The following CACNA1A variants were observed in gnomAD, a reference collection of about 807,000 sequenced individuals.
CACNA1A encodes the protein calcium voltage-gated channel subunit alpha1 A, also known as voltage-dependent P/Q-type calcium channel subunit alpha-1A.
In CACNA1A, 57 loss-of-function variants were observed where a neutral mutation model predicts 262.4. The ratio of observed to expected loss-of-function variants is 0.22; its 90% CI spans 0.18 to 0.27. The LOEUF (loss-of-function observed/expected upper bound fraction) is 0.27, where lower values mean the gene tolerates loss of function less well. CACNA1A is among the 10% of genes least tolerant of loss of function. The probability of loss-of-function intolerance (pLI) is 1.00; values close to 1 mark genes in which losing one functional copy is unlikely to be tolerated. For missense variants in CACNA1A, 2,526 were observed against 3,562.8 expected (o/e 0.71, Z 7.41); for synonymous variants, 1,431 against 1,419.3 (o/e 1.01, Z -0.18).
At chr19:13,412,658 G>A (rs1303222781) in intron 3 of CACNA1A, among the ~76,000 whole-genome samples, 1 of 151,724 alleles carries the variant, frequency 6.6e-6, no homozygotes, top group African/African-American at 2.4e-5. Context: ...CGTATTTTCA[G>A]TAGAGACGGG....
chr19:13,275,815 A>C, intron 24 of CACNA1A, 35 bp downstream of exon 24: 2 of 1,425,794 alleles, frequency 1.4e-6, no homozygotes, highest in Non-Finnish European at 2.0e-6. Context: ...GGTTGGGGGA[A>C]AAGAGGCAAG....
intron 6 of CACNA1A, among the ~76,000 whole-genome samples, chr19:13,340,389 C>T (rs1240738744): frequency 6.6e-6 from 1 of 151,454 alleles, no homozygotes; most frequent in Non-Finnish European, 1.5e-5. Flanking sequence ...TATCCCCATC[C>T]TCCCGGGTGA....
chr19:13,505,375 T>A lies in CACNA1A; in HGVS notation c.293+557A>T, dbSNP rs542623849. ...CAGTGTGAAGGCCACATGGACTCCC[T>A]CTTGCTCTTAGCCCTGGGAGCCCCC... On this transcript the variant is annotated intron_variant, in intron 1 of 46. Coordinates refer to ENST00000360228, the MANE Select transcript of CACNA1A (RefSeq NM_001127222.2). Among the ~76,000 whole-genome samples, 6 of 152,250 alleles carry A rather than the reference T, an allele frequency of 3.9e-5. No homozygotes were observed. The East Asian group carries it at 1.2e-3, about 29-fold the overall frequency.
chr19:13,358,392 C>G (rs1020010960), intron 6 of CACNA1A, among the ~76,000 whole-genome samples: 2 of 152,142 alleles, frequency 1.3e-5, no homozygotes, highest in African/African-American at 4.8e-5. Flanking sequence ...ACGGAAGAAC[C>G]CTGTCTCTAC....
chr19:13,420,067 C>T (rs561166339), intron 3 of CACNA1A, among the ~76,000 whole-genome samples: 4 of 151,714 alleles, frequency 2.6e-5, no homozygotes, highest in African/African-American at 4.8e-5. Context: ...GGCGACAGAG[C>T]GGGACTCTAT....
chr19:13,239,254 G>A (rs1332668019), intron 31 of CACNA1A, among the ~76,000 whole-genome samples: 1 of 151,986 alleles, frequency 6.6e-6, no homozygotes, highest in Non-Finnish European at 1.5e-5. Flanking sequence ...TTTCTCGGCT[G>A]TCTTTGCATC....
intron 3 of CACNA1A, among the ~76,000 whole-genome samples, chr19:13,378,834 T>C (rs1226686653): frequency 1.3e-5 from 2 of 151,424 alleles, no homozygotes; most frequent in South Asian, 2.1e-4. Flanking sequence ...CACCCGGCTA[T>C]TTTTTTGTAT....
At chr19:13,427,922 T>C (rs2060434148) in intron 3 of CACNA1A, among the ~76,000 whole-genome samples, 1 of 151,980 alleles carries the variant, frequency 6.6e-6, no homozygotes, top group Admixed American at 6.6e-5. Flanking sequence ...TCCTCATAGG[T>C]AAAATGTGGA....
intron 3 of CACNA1A, among the ~76,000 whole-genome samples, chr19:13,398,546 A>G (rs1263947613): frequency 1.3e-5 from 2 of 152,170 alleles, no homozygotes; most frequent in African/African-American, 4.8e-5. Flanking sequence ...TGAATGAGCT[A>G]TCAGCTTCCA....
At chr19:13,473,894 G>A (rs964770498) in intron 1 of CACNA1A, among the ~76,000 whole-genome samples, 3 of 152,084 alleles carry the variant, frequency 2.0e-5, no homozygotes, top group African/African-American at 4.8e-5. Context: ...AGCAACTCCA[G>A]TTAAACAGAT....
rs1182367081 is a variant in CACNA1A at position 13,308,937 on chromosome 19, TC to T, written c.1669-410del. ...GAAGCCATCCTCCTGCTTTGGTCTC[TC>T]CAACTGTTGGCCTCCACTTTCCAAA... On this transcript the variant is annotated intron_variant, in intron 12 of 46. Coordinates refer to ENST00000360228, the MANE Select transcript of CACNA1A (RefSeq NM_001127222.2). This position sits in a 1 kb window ranked among gnomAD's most constrained non-coding sequence, Gnocchi z 4.2. 1 of 154,112 alleles carries T rather than the reference TC, an allele frequency of 6.5e-6. No homozygotes were observed. The highest frequency in any genetic ancestry group is 1.4e-5 in the Non-Finnish European group (1 of 69,388). 9.5% of individuals were successfully genotyped at this position (154,112 alleles called of 1,614,324 possible). A position where few individuals can be genotyped will look rare whatever the true frequency, so the allele number is the denominator to read the frequency against.
At chr19:13,433,876 T>C (rs1052403703) in intron 3 of CACNA1A, among the ~76,000 whole-genome samples, 15 of 152,078 alleles carry the variant, frequency 9.9e-5, no homozygotes, top group Admixed American at 2.0e-4. Flanking sequence ...GGAAACAGGG[T>C]CTTTACTTTC....
chr19:13,503,260 G>C (rs1982601920), intron 1 of CACNA1A, among the ~76,000 whole-genome samples: 1 of 152,132 alleles, frequency 6.6e-6, no homozygotes, highest in Non-Finnish European at 1.5e-5. Flanking sequence ...GAAGTCAGGT[G>C]AGCGGTACCC....
chr19:13,208,621 G>C (rs1475821170), intron 46 of CACNA1A, 135 bp downstream of exon 46: 1 of 1,152,306 alleles, frequency 8.7e-7, no homozygotes, highest in Non-Finnish European at 1.2e-6. Context: ...CCGGTGGCTT[G>C]GGGGCAGGAT....
rs970342297 is a variant in CACNA1A, at chr19:13,376,830, CAT to C, written c.540-5053_540-5052del. Among the ~76,000 whole-genome samples, 26 of 80,272 alleles carry C rather than the reference CAT, an allele frequency of 3.2e-4. 1 individual carries two copies. Among genetic ancestry groups the C allele is most frequent in the Middle Eastern group, 8.1e-3 (1 of 124 alleles). 52.7% of individuals were successfully genotyped at this position (80,272 alleles called of 152,430 possible). On this transcript the variant is annotated intron_variant, in intron 3 of 46. Transcript: ENST00000360228. ...TATATGTTATGTGTGATATATAACA[CAT>C]GTTATATGTGATATATAACACATAT...
chr19:13,343,646 G>A (rs1321399825), intron 6 of CACNA1A, among the ~76,000 whole-genome samples: 1 of 151,950 alleles, frequency 6.6e-6, no homozygotes, highest in African/African-American at 2.4e-5. Flanking sequence ...AGACTACCGT[G>A]GGATAAAACT....
intron 5 of CACNA1A, among the ~76,000 whole-genome samples, chr19:13,360,439 T>C (rs1599279706): frequency 6.6e-6 from 1 of 151,932 alleles, no homozygotes; most frequent in Middle Eastern, 3.4e-3. Context: ...TCTATTCCTC[T>C]GTATCCCCTC....
intron 9 of CACNA1A, among the ~76,000 whole-genome samples, chr19:13,332,285 C>G (rs2058480592): frequency 1.3e-5 from 2 of 152,118 alleles, no homozygotes; most frequent in Non-Finnish European, 2.9e-5. Flanking sequence ...CTTGTAATCT[C>G]AGCTTCTCAT....
chr19:13,420,629 G>A (rs1288620958), intron 3 of CACNA1A, among the ~76,000 whole-genome samples: 1 of 152,120 alleles, frequency 6.6e-6, no homozygotes, highest in East Asian at 1.9e-4. Context: ...AGTTGTCAAG[G>A]TGGCTCTGCT....
Sources: gnomAD v4.1 joint callset for allele counts (sites outside exome capture counted in the v4.1 genomes callset) on GRCh38, gnomAD v4.1.1 for gene constraint, Gnocchi (gnomAD v3.1) non-coding constraint, MANE v1.5 for transcripts, NCBI Gene and HGNC (gene_info 2026-07-23, HGNC 2026-07-21) for gene names.